The following EDA variants were observed in gnomAD, a reference collection of about 807,000 sequenced individuals.
The protein encoded by EDA is ectodysplasin-A.
Under a neutral mutation model 23.6 loss-of-function variants are expected in EDA, and 2 were observed. The observed-to-expected ratio is 0.08, with a 90% confidence interval of 0.03 to 0.27. The LOEUF is 0.27. EDA is among the 10% of genes least tolerant of loss of function. The probability of loss-of-function intolerance (pLI) is 1.00; values close to 1 mark genes in which losing one functional copy is unlikely to be tolerated. For missense variants in EDA, 229 were observed against 324.2 expected (o/e 0.71, Z 2.26); for synonymous variants, 131 against 132.0 (o/e 0.99, Z 0.05).
intron 1 of EDA, among the ~76,000 whole-genome samples, chrX:69,640,698 G>GT (rs1932830435): frequency 9.0e-6 from 1 of 110,814 alleles, no homozygotes; most frequent in South Asian, 3.9e-4. Context: ...GTGAAGTGGG[G>GT]TAAGGAGAGC....
At chrX:69,700,750 A>G (rs935802696) in intron 1 of EDA, among the ~76,000 whole-genome samples, 2 of 111,087 alleles carry the variant, frequency 1.8e-5, no homozygotes, top group African/African-American at 6.6e-5. Context: ...TATCCCAAAT[A>G]GCGGGGTTAA....
chrX:69,802,295 T>C (rs2015710032), intron 1 of EDA, among the ~76,000 whole-genome samples: 1 of 109,337 alleles, frequency 9.1e-6, no homozygotes, highest in Non-Finnish European at 1.9e-5. Flanking sequence ...ATATAAAGTT[T>C]TAAAATATCC....
At position 69,949,849 on chromosome X, in the gene EDA, G is replaced by A. The variant is rs185032616; in HGVS notation, c.397-7178G>A. On this transcript the variant is annotated intron_variant, in intron 1 of 7. Transcript: ENST00000374552. ...AAGGTCATTTTAAAAGTGGCTTTACGCTATTTAATAAATGGTGCTGGGAAA... is the reference window on the plus strand; with the variant it reads ...AAGGTCATTTTAAAAGTGGCTTTACACTATTTAATAAATGGTGCTGGGAAA... Among the ~76,000 whole-genome samples, 7 of 111,600 alleles carry A rather than the reference G, an allele frequency of 6.3e-5. No individual in the cohort carries two copies. In the East Asian group the frequency reaches 2.0e-3, roughly 31 times the overall value.
rs2018413907 is a variant in EDA, at chrX:69,920,481, A to G, written c.397-36546A>G. Among the ~76,000 whole-genome samples, 6 of 111,158 alleles carry G rather than the reference A, an allele frequency of 5.4e-5. No individual in the cohort carries two copies. The Admixed American group carries it at 5.8e-4, about 11-fold the overall frequency. On this transcript the variant is annotated intron_variant, in intron 1 of 7. Transcript: ENST00000374552. ...ATTTAGTATCCCCTTGACTATAGTA[A>G]TTTCTCAGACTTTCCAATGACCTTA...
At chrX:69,936,065 A>C (rs2018669989) in intron 1 of EDA, among the ~76,000 whole-genome samples, 1 of 107,483 alleles carries the variant, frequency 9.3e-6, no homozygotes, top group African/African-American at 3.3e-5. Flanking sequence ...TTTGTACCAA[A>C]TCTCTCCATT....
In EDA at chrX:69,616,562, G is replaced by C. The variant is rs1312281728; in HGVS notation, c.254G>C (p.Gly85Ala). 8.3e-7 allele frequency: 1 copy of C among 1,211,660 alleles called. No homozygotes were observed. The highest frequency in any genetic ancestry group is 1.8e-5 in the South Asian group (1 of 56,926). The change falls in exon 1 of 8, where the codon GGC (glycine) becomes GCC (alanine). Residue 85 changes from glycine (G) to alanine (A), a missense_variant. This residue lies in a region of EDA where 175 missense variants were observed against 281.8 expected (regional missense o/e 0.62). Transcript: ENST00000374552. ...ESRLGGSGTP[G>A]TSGTLSSLGG... Reference sequence around the variant, plus strand: ...CGCCTTGGCGGCTCGGGCACCCCTGGCACCTCTGGCACCCTAAGCAGCCTC... The same window carrying C: ...CGCCTTGGCGGCTCGGGCACCCCTGCCACCTCTGGCACCCTAAGCAGCCTC...
intron 3 of EDA, 28 bp from the exon 4 acceptor site, chrX:70,027,829 A>C (rs1342419967): frequency 2.9e-6 from 2 of 699,136 alleles, no homozygotes; most frequent in South Asian, 4.6e-5. Flanking sequence ...TCTCAAAAAA[A>C]AAAGTAACAC....
At chrX:70,002,058 T>A (rs2050154460) in intron 2 of EDA, among the ~76,000 whole-genome samples, 1 of 111,767 alleles carries the variant, frequency 8.9e-6, no homozygotes, top group Non-Finnish European at 1.9e-5. Flanking sequence ...TAGACAGATG[T>A]GAGAACCACT....
In EDA at chrX:69,789,114, G is replaced by A. The variant is rs190472783; in HGVS notation, c.397-167913G>A. 3.1e-4 allele frequency among the ~76,000 whole-genome samples: 35 copies of A among 112,222 alleles called. No individual in the cohort carries two copies. In the East Asian group the frequency reaches 3.4e-3, roughly 11 times the overall value. On this transcript the variant is annotated intron_variant, in intron 1 of 7. Transcript: ENST00000374552. ...GAAAGGGAACTCCCTGACCCCTTGCGCTTCCCAAGTGAGGCAATGCCTCGC... is the reference window on the plus strand; with the variant it reads ...GAAAGGGAACTCCCTGACCCCTTGCACTTCCCAAGTGAGGCAATGCCTCGC...
intron 2 of EDA, among the ~76,000 whole-genome samples, chrX:69,991,364 A>T (rs978347548): frequency 1.8e-5 from 2 of 111,041 alleles, no homozygotes; most frequent in Admixed American, 1.9e-4. Flanking sequence ...TTCCAATGAC[A>T]ATTTTGTTTT....
intron 1 of EDA, among the ~76,000 whole-genome samples, chrX:69,902,878 A>T (rs1401059472): frequency 9.0e-6 from 1 of 111,570 alleles, no homozygotes; most frequent in East Asian, 2.8e-4. Flanking sequence ...TGGAGCTAGC[A>T]ATCATTTATT....
intron 1 of EDA, among the ~76,000 whole-genome samples, chrX:69,786,366 CT>C (rs1232356168): frequency 9.4e-6 from 1 of 106,108 alleles, no homozygotes; most frequent in African/African-American, 3.4e-5. Flanking sequence ...TTTTCTAGTT[CT>C]TTTAATTGTG....
intron 2 of EDA, among the ~76,000 whole-genome samples, chrX:70,001,425 C>T (rs2019739360): frequency 2.7e-5 from 3 of 111,825 alleles, no homozygotes; most frequent in Non-Finnish European, 5.6e-5. Context: ...TGGTAGCACT[C>T]CTCCTCAGTG....
chrX:69,807,813 C>G (rs1380833898), intron 1 of EDA, among the ~76,000 whole-genome samples: 1 of 111,108 alleles, frequency 9.0e-6, no homozygotes, highest in Non-Finnish European at 1.9e-5. Context: ...AAGAGAGAAG[C>G]AGGGACAGAA....
chrX:69,833,528 G>A (rs772768831), intron 1 of EDA, among the ~76,000 whole-genome samples: 4 of 110,300 alleles, frequency 3.6e-5, no homozygotes, highest in South Asian at 8.0e-4. Flanking sequence ...TCTCTGCCAG[G>A]CTTTGATATC....
At chrX:69,703,376 T>C (rs750153321) in intron 1 of EDA, among the ~76,000 whole-genome samples, 34 of 111,829 alleles carry the variant, frequency 3.0e-4, no homozygotes, top group Non-Finnish European at 6.2e-4. Context: ...TGTGGCCTGC[T>C]CTCCAGGGTG....
intron 1 of EDA, among the ~76,000 whole-genome samples, chrX:69,804,581 C>T (rs185051839): frequency 3.6e-4 from 40 of 109,604 alleles, no homozygotes; most frequent in African/African-American, 1.1e-3. Flanking sequence ...AAGAAATGCT[C>T]AATAATGAGG....
At chrX:69,939,228 G>A (rs772918688) in intron 1 of EDA, among the ~76,000 whole-genome samples, 1 of 111,733 alleles carries the variant, frequency 8.9e-6, no homozygotes, top group South Asian at 3.7e-4. Flanking sequence ...CCATGAACAT[G>A]GACTATCTTT....
intron 1 of EDA, among the ~76,000 whole-genome samples, chrX:69,951,307 A>C (rs1336240836): frequency 9.0e-6 from 1 of 111,667 alleles, no homozygotes; most frequent in Non-Finnish European, 1.9e-5. Flanking sequence ...TCTTGGAAGC[A>C]GAGAGTAGCC....
Sources: gnomAD v4.1 joint callset for allele counts (sites outside exome capture counted in the v4.1 genomes callset) on GRCh38, gnomAD v4.1.1 for gene constraint, gnomAD v4.1.1 regional missense constraint, MANE v1.5 for transcripts, NCBI Gene and HGNC (gene_info 2026-07-23, HGNC 2026-07-21) for gene names.